ZC3H11A: variants seen among roughly 807,000 people sequenced by gnomAD.
The protein encoded by ZC3H11A is zinc finger CCCH-type containing 11A, also known as zinc finger CCCH domain-containing protein 11A.
In ZC3H11A, 22 loss-of-function variants were observed where a neutral mutation model predicts 90.8. That is an observed-to-expected ratio of 0.24 (90% confidence interval 0.17 to 0.35). The LOEUF (loss-of-function observed/expected upper bound fraction) is 0.35. Ranked by LOEUF, ZC3H11A falls within the 10% of genes least tolerant of loss-of-function variation. The probability of loss-of-function intolerance (pLI) is 1.00; values close to 1 mark genes in which losing one functional copy is unlikely to be tolerated. For synonymous variants in ZC3H11A, 294 were observed against 339.8 expected (o/e 0.87, Z 1.48); for missense variants, 701 against 964.9 (o/e 0.73, Z 3.62).
At position 203,852,758 on chromosome 1, in the gene ZC3H11A, T is replaced by C; in HGVS notation, c.*359T>C. On this transcript the variant is annotated 3_prime_UTR_variant, in exon 18 of 18. Coordinates refer to ENST00000367210, the MANE Select transcript of ZC3H11A (RefSeq NM_001376342.1). ...TTGGCTTTTTTCTTCTTTGTTGTAT[T>C]CTTTATGTATTGTCTTGATGTACTT... The C allele has an allele frequency of 7.1e-6, 2 of 280,094 alleles. No homozygotes were observed. Among genetic ancestry groups the C allele is most frequent in the Non-Finnish European group, 1.4e-5 (2 of 146,554 alleles). The allele number at this position is 280,094 out of a possible 1,614,324, so 17.4% of individuals were successfully genotyped here. A position where few individuals can be genotyped will look rare whatever the true frequency, so the allele number is the denominator to read the frequency against.
Position 203,838,039 on chromosome 1 carries a change from T to G in ZC3H11A, c.948T>G (p.Thr316=). The G allele has an allele frequency of 6.2e-7, 1 of 1,614,194 alleles. No homozygotes were observed. Among genetic ancestry groups the G allele is most frequent in the Middle Eastern group, 1.6e-4 (1 of 6,062 alleles). ...GGAAGAAAGTTGAAGCTCCAGAAAC[T>G]AACATTGACAAAACACCAAAGAAAG... ...RLGKKVEAPE[T]NIDKTPKKAQ... Residue 316 remains threonine (T), a synonymous_variant, in exon 11 of 18, where the codon ACT becomes ACG. Transcript: ENST00000367210.
chr1:203,854,077 AAG>A lies in ZC3H11A; in HGVS notation c.*1682_*1683del, dbSNP rs1234842471. 6.6e-6 allele frequency: 1 copy of A among 152,648 alleles called. No individual in the cohort carries two copies. The highest frequency in any genetic ancestry group is 1.5e-5 in the Non-Finnish European group (1 of 68,042). The allele number at this position is 152,648 out of a possible 1,614,324, so 9.5% of individuals were successfully genotyped here. A position where few individuals can be genotyped will look rare whatever the true frequency, so the allele number is the denominator to read the frequency against. On this transcript the variant is annotated 3_prime_UTR_variant, in exon 18 of 18. Transcript: ENST00000367210. Reference sequence around the variant, plus strand: ...TATTTGAACCATTTGCCCTTACAGAAAGAGAAATACTTGTTTGTGTTTTAAAT... The same window carrying A: ...TATTTGAACCATTTGCCCTTACAGAAAGAAATACTTGTTTGTGTTTTAAAT...
chr1:203,805,868 C>A, intron 2 of ZC3H11A: 1 of 850,108 alleles, frequency 1.2e-6, no homozygotes. Context: ...ATCATGTCCA[C>A]TAGCTGGTCT....
intron 12 of ZC3H11A, among the ~76,000 whole-genome samples, chr1:203,842,797 G>C (rs757256344): frequency 6.6e-6 from 1 of 151,320 alleles, no homozygotes; most frequent in Non-Finnish European, 1.5e-5. Flanking sequence ...GGGTATTGAG[G>C]TTTTCTTTAT....
chr1:203,840,795 T>C (rs1001888704), intron 12 of ZC3H11A, among the ~76,000 whole-genome samples: 2 of 151,642 alleles, frequency 1.3e-5, no homozygotes, highest in African/African-American at 4.8e-5. Context: ...CACCATGCCT[T>C]GCTAATATTT....
intron 10 of ZC3H11A, among the ~76,000 whole-genome samples, chr1:203,837,020 G>A (rs989709673): frequency 1.3e-5 from 2 of 152,086 alleles, no homozygotes; most frequent in Non-Finnish European, 1.5e-5. Context: ...AGATTTTTGG[G>A]GGGGCCTGGC....
At chr1:203,829,420 TTTTAA>T in intron 5 of ZC3H11A, 26 bp from the exon 6 acceptor site, 1 of 1,613,192 alleles carries the variant, frequency 6.2e-7, no homozygotes, top group Non-Finnish European at 8.5e-7. Context: ...TATCTTCTGT[TTTTAA>T]TTTATGACTG....
intron 4 of ZC3H11A, 32 bp from the exon 5 acceptor site, chr1:203,828,267 A>G: frequency 6.2e-7 from 1 of 1,613,280 alleles, no homozygotes; most frequent in Non-Finnish European, 8.5e-7. Flanking sequence ...TCACTGTTTT[A>G]TTTGAAAGCA....
At chr1:203,822,085 T>G (rs1378120462) in intron 4 of ZC3H11A, among the ~76,000 whole-genome samples, 1 of 152,106 alleles carries the variant, frequency 6.6e-6, no homozygotes, top group African/African-American at 2.4e-5. Context: ...ATACATAGTA[T>G]TACAAATTAT....
Position 203,850,693 on chromosome 1 carries a change from A to G in ZC3H11A, c.2106+12A>G, listed in dbSNP as rs768034607. 5 of 1,611,942 alleles carry G rather than the reference A, an allele frequency of 3.1e-6. No homozygotes were observed. In the Admixed American group the frequency reaches 6.7e-5, roughly 22 times the overall value. ...AAAAGGCAGCTGTGGTAAGAAGTAT[A>G]TTCACTTTGTGGTGCTTTATTCTGT... On this transcript the variant is annotated intron_variant, in intron 16 of 17. Transcript: ENST00000367210.
At chr1:203,849,592 TTC>T (rs2103441407) in intron 14 of ZC3H11A, 117 bp from the exon 15 acceptor site, 1 of 953,576 alleles carries the variant, frequency 1.0e-6, no homozygotes, top group East Asian at 2.4e-5. Flanking sequence ...TAAAGAGCTT[TTC>T]TCTCAGATTC....
intron 4 of ZC3H11A, among the ~76,000 whole-genome samples, chr1:203,826,064 T>C (rs769785112): frequency 2.0e-5 from 3 of 152,160 alleles, no homozygotes; most frequent in Non-Finnish European, 4.4e-5. Flanking sequence ...AAAGGTAGGC[T>C]TAGGAACAAG....
intron 4 of ZC3H11A, among the ~76,000 whole-genome samples, chr1:203,826,849 A>G (rs1362067814): frequency 6.6e-6 from 1 of 152,174 alleles, no homozygotes; most frequent in African/African-American, 2.4e-5. Context: ...AGAAAAGTGC[A>G]AAATCGTAAT....
At chr1:203,822,534 A>G (rs1468102094) in intron 4 of ZC3H11A, among the ~76,000 whole-genome samples, 2 of 152,022 alleles carry the variant, frequency 1.3e-5, no homozygotes, top group Non-Finnish European at 1.5e-5. Flanking sequence ...CCCTGCGCAC[A>G]TACTCCAACT....
At chr1:203,820,167 G>A (rs1484268807) in intron 4 of ZC3H11A, among the ~76,000 whole-genome samples, 5 of 151,662 alleles carry the variant, frequency 3.3e-5, no homozygotes, top group African/African-American at 1.2e-4. Context: ...CCTGGGAGGC[G>A]GAGGTTGCAC....
chr1:203,814,741 T>G (rs112768119), intron 2 of ZC3H11A, among the ~76,000 whole-genome samples: 1,604 of 152,332 alleles, frequency 0.011, 19 homozygotes, highest in African/African-American at 0.035. Context: ...TTTTTTTGTT[T>G]TTGGTTTTTT....
chr1:203,844,841 CT>C (rs1290882634), intron 12 of ZC3H11A, among the ~76,000 whole-genome samples: 1 of 152,152 alleles, frequency 6.6e-6, no homozygotes, highest in East Asian at 1.9e-4. Context: ...CCTCCCTCCC[CT>C]TTTTCTGCTT....
intron 2 of ZC3H11A, chr1:203,806,033 C>T (rs1672214319): frequency 1.9e-6 from 1 of 539,970 alleles, no homozygotes; most frequent in Non-Finnish European, 3.6e-6. Flanking sequence ...GTGCGATTGT[C>T]CTGCTGCTGC....
chr1:203,832,263 G>A (rs1682626388), intron 9 of ZC3H11A, among the ~76,000 whole-genome samples: 1 of 151,904 alleles, frequency 6.6e-6, no homozygotes, highest in South Asian at 2.1e-4. Flanking sequence ...GTTTCTCCAT[G>A]TTGGTCTGGC....
Sources: allele counts gnomAD v4.1 joint callset (sites outside exome capture counted in the v4.1 genomes callset), GRCh38; gene constraint gnomAD v4.1.1; transcripts MANE v1.5; gene names NCBI Gene and HGNC (gene_info 2026-07-23, HGNC 2026-07-21).